The following EFCAB6 variants were observed in gnomAD, a reference collection of about 807,000 sequenced individuals.
EFCAB6 encodes the protein EF-hand calcium binding domain 6.
A neutral mutation model predicts 169.8 loss-of-function variants in EFCAB6; 156 were observed. That is an observed-to-expected ratio of 0.92 (90% confidence interval 0.81 to 1.05). The LOEUF is 1.05. Among genes scored for constraint, EFCAB6 ranks in the 50% least tolerant of loss-of-function variants. EFCAB6 has a pLI of 0.00. For synonymous variants in EFCAB6, 698 were observed against 676.4 expected (o/e 1.03, Z -0.50); for missense variants, 1,800 against 1,829.1 (o/e 0.98, Z 0.29).
At chr22:43,733,557 A>T (rs996645125) in intron 7 of EFCAB6, among the ~76,000 whole-genome samples, 1 of 152,126 alleles carries the variant, frequency 6.6e-6, no homozygotes, top group African/African-American at 2.4e-5. Flanking sequence ...CCTAAATGGA[A>T]CAGGTCATCA....
At chr22:43,607,141 A>G (rs948228897) in intron 22 of EFCAB6, among the ~76,000 whole-genome samples, 6 of 152,152 alleles carry the variant, frequency 3.9e-5, no homozygotes, top group Non-Finnish European at 7.4e-5. Flanking sequence ...CTGGTAAGGG[A>G]GCAGCCCTAC....
intron 23 of EFCAB6, among the ~76,000 whole-genome samples, chr22:43,592,627 C>T (rs1040119803): frequency 6.6e-6 from 1 of 152,252 alleles, no homozygotes; most frequent in East Asian, 1.9e-4. Context: ...GCCGACACTC[C>T]GTGACAAAGC....
intron 8 of EFCAB6, among the ~76,000 whole-genome samples, chr22:43,717,554 T>A (rs932573205): frequency 6.6e-6 from 1 of 152,114 alleles, no homozygotes; most frequent in African/African-American, 2.4e-5. Flanking sequence ...ATAATTCACA[T>A]AAAAAGAATT....
intron 26 of EFCAB6, among the ~76,000 whole-genome samples, chr22:43,574,727 G>A (rs1374862662): frequency 6.6e-6 from 1 of 152,062 alleles, no homozygotes; most frequent in Non-Finnish European, 1.5e-5. Context: ...CCAGCAGAAG[G>A]TATTTGCGAC....
At chr22:43,594,372 C>A (rs186825911) in intron 23 of EFCAB6, among the ~76,000 whole-genome samples, 1 of 151,554 alleles carries the variant, frequency 6.6e-6, no homozygotes, top group Non-Finnish European at 1.5e-5. Context: ...AAAACAAGAC[C>A]CAACTATATG....
At chr22:43,646,780 C>T (rs1194111568) in intron 17 of EFCAB6, among the ~76,000 whole-genome samples, 1 of 152,180 alleles carries the variant, frequency 6.6e-6, no homozygotes, top group Non-Finnish European at 1.5e-5. Flanking sequence ...ATAATTCTGA[C>T]TGATATGTTA....
At chr22:43,540,433 T>C in intron 27 of EFCAB6, 76 bp from the exon 28 acceptor site, 1 of 1,601,506 alleles carries the variant, frequency 6.2e-7, no homozygotes, top group African/African-American at 1.3e-5. Flanking sequence ...CAGCGAGAAG[T>C]GGGACAGGCC....
At chr22:43,625,635 C>A (rs1267486468) in intron 20 of EFCAB6, among the ~76,000 whole-genome samples, 1 of 152,196 alleles carries the variant, frequency 6.6e-6, no homozygotes, top group Non-Finnish European at 1.5e-5. Context: ...AAGAGTGACG[C>A]CATATGGGCT....
chr22:43,531,735 G>C (rs1348788265), intron 30 of EFCAB6, among the ~76,000 whole-genome samples: 2 of 151,982 alleles, frequency 1.3e-5, no homozygotes, highest in African/African-American at 4.8e-5. Context: ...AAGACTTCAT[G>C]AGCTGCCAAT....
At chr22:43,602,848 A>G (rs1041552131) in intron 22 of EFCAB6, among the ~76,000 whole-genome samples, 1 of 152,036 alleles carries the variant, frequency 6.6e-6, no homozygotes, top group African/African-American at 2.4e-5. Flanking sequence ...TTGCGGATAC[A>G]TGAGGAGTGC....
Position 43,669,018 on chromosome 22 carries a change from A to C in EFCAB6, c.1668T>G (p.Gly556=). The change falls in exon 16 of 32, where the codon GGT becomes GGG. Residue 556 remains glycine, a synonymous_variant. Transcript: ENST00000262726. ...IKLCSKIQDI[G]SGRILYKKLL... ...GTTTCTTGTAAAGGATTCTTCCTGA[A>C]CCAATGTCCTGAATCTTACTGCAGA... The C allele has an allele frequency of 6.2e-7, 1 of 1,611,032 alleles. No homozygotes were observed. The highest frequency in any genetic ancestry group is 2.2e-5 in the East Asian group (1 of 44,766).
intron 26 of EFCAB6, among the ~76,000 whole-genome samples, chr22:43,560,934 C>T (rs555795244): frequency 1.6e-4 from 25 of 152,286 alleles, no homozygotes; most frequent in African/African-American, 6.0e-4. Context: ...CAGAAGCAGC[C>T]CAACTGCGTG....
intron 15 of EFCAB6, 66 bp from the exon 16 acceptor site, chr22:43,669,111 C>T: frequency 7.2e-7 from 1 of 1,391,654 alleles, no homozygotes; most frequent in Non-Finnish European, 9.5e-7. Context: ...ACTGACCCTG[C>T]CAAGGGTTGG....
chr22:43,786,149 C>T (rs754888990), intron 2 of EFCAB6, among the ~76,000 whole-genome samples: 10 of 150,764 alleles, frequency 6.6e-5, no homozygotes, highest in South Asian at 2.1e-4. Flanking sequence ...GATCACCTGA[C>T]GTCAAGAGTT....
intron 10 of EFCAB6, among the ~76,000 whole-genome samples, chr22:43,707,332 C>A (rs1478198618): frequency 6.6e-6 from 1 of 151,976 alleles, no homozygotes; most frequent in Non-Finnish European, 1.5e-5. Context: ...ATAGGAGTTC[C>A]AGAAGAAAAG....
intron 2 of EFCAB6, among the ~76,000 whole-genome samples, chr22:43,808,376 A>G (rs111532019): frequency 0.018 from 2,724 of 152,318 alleles, 29 homozygotes; most frequent in Non-Finnish European, 0.028. Flanking sequence ...TCCTTTAAGC[A>G]AGTATTCTTA....
At chr22:43,706,191 G>C (rs1209111022) in intron 10 of EFCAB6, among the ~76,000 whole-genome samples, 1 of 152,190 alleles carries the variant, frequency 6.6e-6, no homozygotes, top group East Asian at 1.9e-4. Flanking sequence ...TCGGCTCCAG[G>C]AACACTGGCT....
Position 43,616,292 on chromosome 22 carries a change from G to A in EFCAB6, c.2466-370C>T, listed in dbSNP as rs117851770. Among the ~76,000 whole-genome samples, 1,171 of 152,318 alleles carry A rather than the reference G, an allele frequency of 7.7e-3. 8 individuals carry two copies. Among genetic ancestry groups the A allele is most frequent in the Middle Eastern group, 0.024 (7 of 294 alleles). On this transcript the variant is annotated intron_variant, in intron 20 of 31. Coordinates refer to ENST00000262726, the MANE Select transcript of EFCAB6 (RefSeq NM_022785.4). Reference sequence around the variant, plus strand: ...GAATTTGCAAGTTGGAGAGATAATGGAGACTACAGGAAATGGTTGAGAAAC... The same window carrying A: ...GAATTTGCAAGTTGGAGAGATAATGAAGACTACAGGAAATGGTTGAGAAAC...
chr22:43,677,414 G>A (rs891858445), intron 13 of EFCAB6, among the ~76,000 whole-genome samples: 2 of 152,154 alleles, frequency 1.3e-5, no homozygotes, highest in Admixed American at 1.3e-4. Context: ...TTGGGAGGCC[G>A]AGGCAAGTGG....
Sources: allele counts gnomAD v4.1 joint callset (sites outside exome capture counted in the v4.1 genomes callset), GRCh38; gene constraint gnomAD v4.1.1; transcripts MANE v1.5; gene names NCBI Gene and HGNC (gene_info 2026-07-23, HGNC 2026-07-21).